Variants in FSTL4 observed in about 807,000 individuals in gnomAD.
The protein encoded by FSTL4 is follistatin-related protein 4.
Under a neutral mutation model 78.2 loss-of-function variants are expected in FSTL4, and 28 were observed. The ratio of observed to expected loss-of-function variants is 0.36; its 90% CI spans 0.27 to 0.49. The LOEUF is 0.49. Ranked by LOEUF, FSTL4 falls within the 20% of genes least tolerant of loss-of-function variation. The pLI is 0.98. For missense variants in FSTL4, 922 were observed against 1,084.9 expected, an observed-to-expected ratio of 0.85 and a Z score of 2.11; for synonymous variants, 422 against 440.5, an observed-to-expected ratio of 0.96 and a Z score of 0.53.
the FSTL4 span, among the ~76,000 whole-genome samples, chr5:133,637,478 C>T: frequency 6.6e-6 from 1 of 152,032 alleles, no homozygotes; most frequent in African/African-American, 2.4e-5. Flanking sequence ...AAAAATGTCC[C>T]TGTGCTCATG....
intron 4 of FSTL4, among the ~76,000 whole-genome samples, chr5:133,372,269 G>C (rs2545538): frequency 0.012 from 1,762 of 142,988 alleles, 19 homozygotes; most frequent in African/African-American, 0.024. Context: ...ATGTATGTAT[G>C]TATCTATCTA....
chr5:133,310,186 TA>T, intron 6 of FSTL4, among the ~76,000 whole-genome samples: 1 of 147,886 alleles, frequency 6.8e-6, no homozygotes. Flanking sequence ...GCGGCTTCCT[TA>T]ATGGCTGTGA....
At chr5:133,705,799 A>T in the FSTL4 span, among the ~76,000 whole-genome samples, 5 of 151,756 alleles carry the variant, frequency 3.3e-5, no homozygotes, top group South Asian at 1.0e-3. Flanking sequence ...ATTATTCAGG[A>T]TCCAAATCAA....
intron 4 of FSTL4, among the ~76,000 whole-genome samples, chr5:133,383,610 A>G (rs1398580671): frequency 6.6e-6 from 1 of 152,130 alleles, no homozygotes; most frequent in Non-Finnish European, 1.5e-5. Flanking sequence ...AAGACATCCC[A>G]TCACTCGGCG....
At chr5:133,314,715 T>G (rs1036886597) in intron 5 of FSTL4, among the ~76,000 whole-genome samples, 1 of 152,074 alleles carries the variant, frequency 6.6e-6, no homozygotes, top group Non-Finnish European at 1.5e-5. Flanking sequence ...TTGTCTGATT[T>G]CTTAGAGCCT....
At chr5:133,257,214 C>G (rs2126830795) in intron 6 of FSTL4, among the ~76,000 whole-genome samples, 1 of 152,306 alleles carries the variant, frequency 6.6e-6, no homozygotes, top group East Asian at 1.9e-4. Flanking sequence ...GCTTGCTAAC[C>G]TGGAGCTCAT....
chr5:133,806,323 G>A, the FSTL4 span, among the ~76,000 whole-genome samples: 1 of 152,118 alleles, frequency 6.6e-6, no homozygotes, highest in African/African-American at 2.4e-5. Flanking sequence ...TTGGCCCATG[G>A]TAGATAATTT....
chr5:133,389,344 C>T (rs898178367), intron 4 of FSTL4, among the ~76,000 whole-genome samples: 1 of 152,130 alleles, frequency 6.6e-6, no homozygotes, highest in African/African-American at 2.4e-5. Context: ...TGGTCACTGC[C>T]ACGACATATT....
At chr5:133,648,131 A>G in the FSTL4 span, among the ~76,000 whole-genome samples, 1 of 152,176 alleles carries the variant, frequency 6.6e-6, no homozygotes, top group Non-Finnish European at 1.5e-5. Context: ...TTTTCTTCCC[A>G]GTCTCAGGTA....
chr5:133,700,882 A>T, the FSTL4 span, among the ~76,000 whole-genome samples: 7 of 152,388 alleles, frequency 4.6e-5, no homozygotes, highest in African/African-American at 1.4e-4. Context: ...TGGAAGTTCC[A>T]TAGGACTCCA....
At chr5:133,396,359 G>C (rs1756046609) in intron 4 of FSTL4, among the ~76,000 whole-genome samples, 1 of 152,218 alleles carries the variant, frequency 6.6e-6, no homozygotes, top group Non-Finnish European at 1.5e-5. Context: ...ATGAGGCACA[G>C]AAAGCTCACG....
intron 3 of FSTL4, among the ~76,000 whole-genome samples, chr5:133,475,347 C>T (rs1176428956): frequency 6.6e-6 from 1 of 152,186 alleles, no homozygotes; most frequent in Non-Finnish European, 1.5e-5. Flanking sequence ...TTCAAAGATG[C>T]TTTCACAAAG....
chr5:133,247,591 A>G (rs1038425804), intron 7 of FSTL4: 1 of 152,242 alleles, frequency 6.6e-6, no homozygotes, highest in African/African-American at 2.4e-5. Context: ...GCACCCCAAC[A>G]CAGTCCAGTC....
At chr5:133,755,854 C>T in the FSTL4 span, among the ~76,000 whole-genome samples, 1 of 152,242 alleles carries the variant, frequency 6.6e-6, no homozygotes, top group Admixed American at 6.5e-5. Flanking sequence ...TTCAGCCCAT[C>T]TTCTCTTCCC....
At chr5:133,666,068 C>T in the FSTL4 span, among the ~76,000 whole-genome samples, 5 of 151,836 alleles carry the variant, frequency 3.3e-5, no homozygotes, top group Admixed American at 3.3e-4. Flanking sequence ...TCCACATATC[C>T]TATCACTTGC....
the FSTL4 span, among the ~76,000 whole-genome samples, chr5:133,676,038 G>A: frequency 3.2e-4 from 48 of 152,146 alleles, no homozygotes; most frequent in Non-Finnish European, 6.0e-4. Flanking sequence ...AGGTGCCAGG[G>A]GGCTGGGAGA....
intron 3 of FSTL4, among the ~76,000 whole-genome samples, chr5:133,514,305 G>C (rs189601690): frequency 1.7e-3 from 260 of 151,920 alleles, no homozygotes; most frequent in African/African-American, 6.0e-3. Context: ...TCAAAGGCTC[G>C]AGAGAAGAGG....
At chr5:133,766,345 T>C in the FSTL4 span, among the ~76,000 whole-genome samples, 1 of 152,092 alleles carries the variant, frequency 6.6e-6, no homozygotes, top group African/African-American at 2.4e-5. Flanking sequence ...ACAGAGACCA[T>C]ATGTGTCCCA....
At chr5:133,778,636 C>T in the FSTL4 span, among the ~76,000 whole-genome samples, 9 of 152,182 alleles carry the variant, frequency 5.9e-5, no homozygotes, top group Non-Finnish European at 7.3e-5. Flanking sequence ...GAGGCTGTGA[C>T]AGAGCAGGTG....
Sources: gnomAD v4.1 joint callset for allele counts (sites outside exome capture counted in the v4.1 genomes callset) on GRCh38, gnomAD v4.1.1 for gene constraint, MANE v1.5 for transcripts, NCBI Gene and HGNC (gene_info 2026-07-23, HGNC 2026-07-21) for gene names.